The following HDAC4 variants were observed in gnomAD, a reference collection of about 807,000 sequenced individuals.
HDAC4 encodes histone deacetylase A.
HDAC4 carries 16 observed loss-of-function variants against 135.1 expected under a neutral mutation model. The observed-to-expected ratio is 0.12, with a 90% CI of 0.08 to 0.18. The LOEUF is 0.18. Ranked by LOEUF, HDAC4 falls within the 10% of genes least tolerant of loss-of-function variation. The pLI is 1.00. For synonymous variants in HDAC4, 685 were observed against 653.4 expected (o/e 1.05, Z -0.74); for missense variants, 1,143 against 1,511.8 (o/e 0.76, Z 4.05).
chr2:239,272,301 A>G (rs1277520002), intron 2 of HDAC4, among the ~76,000 whole-genome samples: 1 of 152,246 alleles, frequency 6.6e-6, no homozygotes, highest in Non-Finnish European at 1.5e-5. Context: ...AGGCAGCAAA[A>G]GAAAAAAATA....
intron 2 of HDAC4, among the ~76,000 whole-genome samples, chr2:239,284,360 C>T (rs1384037956): frequency 6.6e-6 from 1 of 152,188 alleles, no homozygotes; most frequent in Non-Finnish European, 1.5e-5. Flanking sequence ...CGCATGGGGG[C>T]AGCCCTGAGC....
intron 9 of HDAC4, among the ~76,000 whole-genome samples, chr2:239,138,292 G>A (rs770248270): frequency 6.6e-6 from 1 of 152,168 alleles, no homozygotes; most frequent in African/African-American, 2.4e-5. Flanking sequence ...TGGAGACAAA[G>A]GGCAAAATTC....
intron 3 of HDAC4, among the ~76,000 whole-genome samples, chr2:239,202,028 C>T (rs2045787158): frequency 6.6e-6 from 1 of 152,184 alleles, no homozygotes; most frequent in African/African-American, 2.4e-5. Flanking sequence ...CCAGCCTCCA[C>T]CCCCCTGCAG....
chr2:239,280,911 T>C (rs1292271009), intron 2 of HDAC4, among the ~76,000 whole-genome samples: 1 of 140,252 alleles, frequency 7.1e-6, no homozygotes, highest in East Asian at 2.2e-4. Context: ...CACTCTACAA[T>C]GTACACACCA....
chr2:239,400,503 G>A lies in HDAC4; in HGVS notation c.-220+475C>T, dbSNP rs1314058318. On this transcript the variant is annotated intron_variant, in intron 1 of 26. Coordinates refer to ENST00000543185, the MANE Select transcript of HDAC4 (RefSeq NM_001378414.1). This position sits in a 1 kb window ranked among gnomAD's most constrained non-coding sequence, Gnocchi z 4.7. ...GGTGGAAAGGTCCAGAAGGGGCCGGGCGGCCCTGGGGACCGGCGGGTCCCA... is the reference window on the plus strand; with the variant it reads ...GGTGGAAAGGTCCAGAAGGGGCCGGACGGCCCTGGGGACCGGCGGGTCCCA... 1 of 146,082 alleles carries A rather than the reference G, an allele frequency of 6.8e-6. No homozygotes were observed. The allele number at this position is 146,082 out of a possible 1,614,324, so 9.0% of individuals were successfully genotyped here. A position where few individuals can be genotyped will look rare whatever the true frequency, so the allele number is the denominator to read the frequency against.
chr2:239,066,934 A>C, intron 23 of HDAC4, 79 bp from the exon 24 acceptor site: 1 of 1,542,306 alleles, frequency 6.5e-7, no homozygotes, highest in Non-Finnish European at 8.8e-7. Flanking sequence ...GTCTCATGGC[A>C]TCGTAAGAAG....
chr2:239,294,251 C>A (rs1003892742), intron 2 of HDAC4, among the ~76,000 whole-genome samples: 1 of 151,354 alleles, frequency 6.6e-6, no homozygotes, highest in Non-Finnish European at 1.5e-5. Flanking sequence ...GCAGGGGCAG[C>A]CCCTTCTGAA....
At chr2:239,122,205 C>T (rs753755057) in intron 12 of HDAC4, among the ~76,000 whole-genome samples, 21 of 152,216 alleles carry the variant, frequency 1.4e-4, no homozygotes, top group Non-Finnish European at 2.6e-4. Context: ...AAGGGAAACA[C>T]ACCCGAGGCC....
chr2:239,344,095 C>T (rs1172658192), intron 2 of HDAC4, among the ~76,000 whole-genome samples: 2 of 152,148 alleles, frequency 1.3e-5, no homozygotes, highest in African/African-American at 4.8e-5. Flanking sequence ...TAGAGCCAGA[C>T]CTTTGATGGC....
intron 11 of HDAC4, among the ~76,000 whole-genome samples, chr2:239,128,890 G>A (rs1446619704): frequency 6.6e-6 from 1 of 152,134 alleles, no homozygotes; most frequent in Non-Finnish European, 1.5e-5. Context: ...CAAGCGACTC[G>A]AGCCAGCGGT....
intron 2 of HDAC4, among the ~76,000 whole-genome samples, chr2:239,340,204 C>T (rs907885044): frequency 1.7e-4 from 26 of 152,184 alleles, no homozygotes; most frequent in Non-Finnish European, 1.5e-5. Context: ...AGTCACAGGG[C>T]AGTGAGCTCA....
intron 1 of HDAC4, among the ~76,000 whole-genome samples, chr2:239,399,899 A>G (rs1046123056): frequency 2.0e-5 from 3 of 152,242 alleles, no homozygotes; most frequent in African/African-American, 7.2e-5. Flanking sequence ...AGGTCAATTT[A>G]CAACATGCAA....
rs1001826909 is a variant in HDAC4, at chr2:239,306,432, C to A, written c.22+46246G>T. 6.6e-6 allele frequency among the ~76,000 whole-genome samples: 1 copy of A among 152,132 alleles called. No individual in the cohort carries two copies. Among genetic ancestry groups the A allele is most frequent in the African/African-American group, 2.4e-5 (1 of 41,432 alleles). ...CCCCATCCACGGATGTGTCCCTGCC[C>A]AGGTGCCAGCAAGGACTGACTAATA... On this transcript the variant is annotated intron_variant, in intron 2 of 26. Coordinates refer to ENST00000543185, the MANE Select transcript of HDAC4 (RefSeq NM_001378414.1). The surrounding 1 kb of genome is among the most constrained non-coding windows in gnomAD (Gnocchi z 4.5).
At chr2:239,191,547 G>C (rs1420467473) in intron 3 of HDAC4, among the ~76,000 whole-genome samples, 1 of 152,248 alleles carries the variant, frequency 6.6e-6, no homozygotes, top group Non-Finnish European at 1.5e-5. Context: ...CCAGGACTCA[G>C]CCTTCTCCTG....
intron 7 of HDAC4, 65 bp downstream of exon 7, chr2:239,156,587 G>A (rs2042437499): frequency 1.2e-6 from 2 of 1,608,970 alleles, no homozygotes; most frequent in Non-Finnish European, 1.7e-6. Context: ...GGCCCTGCGT[G>A]GCTTGTGGCG....
intron 1 of HDAC4, among the ~76,000 whole-genome samples, chr2:239,388,486 G>A (rs1201739461): frequency 1.3e-5 from 2 of 152,216 alleles, no homozygotes; most frequent in Admixed American, 1.3e-4. Context: ...GAGCCAACAT[G>A]GCTCAACCCT....
intron 2 of HDAC4, among the ~76,000 whole-genome samples, chr2:239,295,223 C>T (rs1471189801): frequency 1.5e-5 from 2 of 135,034 alleles, no homozygotes; most frequent in African/African-American, 5.5e-5. Context: ...AGGAGAATGG[C>T]GTGAACCCGG....
At chr2:239,193,618 G>C (rs1034127530) in intron 3 of HDAC4, among the ~76,000 whole-genome samples, 2 of 152,242 alleles carry the variant, frequency 1.3e-5, no homozygotes, top group African/African-American at 4.8e-5. Flanking sequence ...CCAGAGACCA[G>C]CCTGCCATCT....
intron 22 of HDAC4, among the ~76,000 whole-genome samples, chr2:239,077,431 C>T (rs2034875467): frequency 6.6e-6 from 1 of 152,264 alleles, no homozygotes; most frequent in African/African-American, 2.4e-5. Context: ...CCTCCCAGTC[C>T]CCCGCTATCC....
Sources: allele counts gnomAD v4.1 joint callset (sites outside exome capture counted in the v4.1 genomes callset), GRCh38; gene constraint gnomAD v4.1.1; non-coding constraint Gnocchi (gnomAD v3.1); transcripts MANE v1.5; gene names NCBI Gene and HGNC (gene_info 2026-07-23, HGNC 2026-07-21).